The following SBF2 variants were observed in gnomAD, a reference collection of about 807,000 sequenced individuals.
SBF2 encodes the protein SET binding factor 2, also known as myotubularin-related protein 13.
A neutral mutation model predicts 225.2 loss-of-function variants in SBF2; 112 were observed. The observed-to-expected ratio is 0.50, with a 90% CI of 0.43 to 0.58. The LOEUF (loss-of-function observed/expected upper bound fraction) is 0.58. Ranked by LOEUF, SBF2 falls within the 20% of genes least tolerant of loss-of-function variation. The probability of loss-of-function intolerance (pLI) is 0.00; values close to 1 mark genes in which losing one functional copy is unlikely to be tolerated. For synonymous variants in SBF2, 763 were observed against 773.3 expected (o/e 0.99, Z 0.22); for missense variants, 1,996 against 2,206.2 (o/e 0.90, Z 1.91).
At chr11:9,849,443 G>A (rs1856771870) in intron 22 of SBF2, among the ~76,000 whole-genome samples, 1 of 152,150 alleles carries the variant, frequency 6.6e-6, no homozygotes, top group African/African-American at 2.4e-5. Flanking sequence ...ATTACTTCTG[G>A]TAGGGCATGC....
At chr11:10,216,950 T>A (rs886642071) in intron 1 of SBF2, among the ~76,000 whole-genome samples, 2 of 152,044 alleles carry the variant, frequency 1.3e-5, no homozygotes, top group Non-Finnish European at 2.9e-5. Context: ...TTAAATGATA[T>A]AAATAAATGC....
At chr11:9,854,344 G>A (rs965417850) in intron 19 of SBF2, among the ~76,000 whole-genome samples, 1 of 152,156 alleles carries the variant, frequency 6.6e-6, no homozygotes, top group Non-Finnish European at 1.5e-5. Flanking sequence ...ATTTGAAATG[G>A]AACAGATGTG....
At chr11:10,201,295 G>T (rs1363829025) in intron 1 of SBF2, among the ~76,000 whole-genome samples, 2 of 152,164 alleles carry the variant, frequency 1.3e-5, no homozygotes, top group Non-Finnish European at 2.9e-5. Context: ...TTGAGCAAAT[G>T]ATTTTTTTAA....
intron 2 of SBF2, among the ~76,000 whole-genome samples, chr11:10,079,498 C>T (rs577065345): frequency 6.6e-6 from 1 of 152,250 alleles, no homozygotes; most frequent in Non-Finnish European, 1.5e-5. Context: ...AAGAAAGAAT[C>T]TCAGAAACTG....
intron 13 of SBF2, among the ~76,000 whole-genome samples, chr11:9,985,296 G>A (rs1947150172): frequency 1.3e-5 from 2 of 152,064 alleles, no homozygotes; most frequent in African/African-American, 2.4e-5. Context: ...AAGCGAGCAG[G>A]GGTAGCTATT....
chr11:10,137,210 G>T (rs1403968296), intron 2 of SBF2, among the ~76,000 whole-genome samples: 3 of 152,072 alleles, frequency 2.0e-5, no homozygotes, highest in African/African-American at 7.2e-5. Context: ...TCATTGACAG[G>T]ATATACAAAA....
chr11:9,788,348 C>G (rs1852508387), intron 35 of SBF2, among the ~76,000 whole-genome samples: 1 of 152,162 alleles, frequency 6.6e-6, no homozygotes, highest in Non-Finnish European at 1.5e-5. Context: ...CAAAGCTATT[C>G]CTCAGGCTGG....
chr11:9,914,205 G>C (rs1177176452), intron 16 of SBF2, among the ~76,000 whole-genome samples: 1 of 152,190 alleles, frequency 6.6e-6, no homozygotes, highest in Non-Finnish European at 1.5e-5. Flanking sequence ...GGATAAAGTA[G>C]ACAGCACACA....
intron 2 of SBF2, among the ~76,000 whole-genome samples, chr11:10,081,945 A>G (rs1475765115): frequency 6.6e-6 from 1 of 152,010 alleles, no homozygotes; most frequent in Non-Finnish European, 1.5e-5. Flanking sequence ...AAAAAATTAA[A>G]AAGTTGATAC....
intron 1 of SBF2, among the ~76,000 whole-genome samples, chr11:10,202,926 G>C: frequency 6.6e-6 from 1 of 152,108 alleles, no homozygotes; most frequent in South Asian, 2.1e-4. Flanking sequence ...TCAGACACCT[G>C]ACATCAGGCA....
At chr11:10,072,218 C>T (rs1196767754) in intron 2 of SBF2, among the ~76,000 whole-genome samples, 1 of 152,146 alleles carries the variant, frequency 6.6e-6, no homozygotes, top group East Asian at 1.9e-4. Flanking sequence ...TCTTTTATAT[C>T]TTATATAGCC....
intron 2 of SBF2, among the ~76,000 whole-genome samples, chr11:10,101,703 T>A (rs1952312298): frequency 1.3e-5 from 2 of 150,628 alleles, no homozygotes; most frequent in Non-Finnish European, 3.0e-5. Context: ...ACATGGTAAA[T>A]GTCAATATTT....
At chr11:10,256,869 A>C (rs1031687916) in intron 1 of SBF2, among the ~76,000 whole-genome samples, 32 of 152,194 alleles carry the variant, frequency 2.1e-4, no homozygotes, top group African/African-American at 7.2e-4. Flanking sequence ...TATTTATCCC[A>C]TATTTATCCT....
At chr11:10,229,735 A>G (rs1591266515) in intron 1 of SBF2, among the ~76,000 whole-genome samples, 1 of 152,298 alleles carries the variant, frequency 6.6e-6, no homozygotes, top group East Asian at 1.9e-4. Context: ...ACTTCCAACT[A>G]TGTGGTCAAT....
intron 28 of SBF2, among the ~76,000 whole-genome samples, chr11:9,822,087 G>A (rs924924286): frequency 6.6e-6 from 1 of 152,078 alleles, no homozygotes; most frequent in Non-Finnish European, 1.5e-5. Context: ...CTATGGGCTA[G>A]TTACTAAGTT....
At chr11:10,108,715 G>A (rs1228139527) in intron 2 of SBF2, among the ~76,000 whole-genome samples, 4 of 151,206 alleles carry the variant, frequency 2.6e-5, no homozygotes, top group African/African-American at 9.7e-5. Flanking sequence ...TAGTAGAGGC[G>A]GGGTTTCACT....
At chr11:10,293,399 T>C (rs1964294977) in intron 1 of SBF2, among the ~76,000 whole-genome samples, 1 of 152,230 alleles carries the variant, frequency 6.6e-6, no homozygotes, top group Admixed American at 6.5e-5. Flanking sequence ...ACAAGTCATG[T>C]CACTGTGAAG....
At chr11:10,068,984 CA>C (rs1166088039) in intron 2 of SBF2, among the ~76,000 whole-genome samples, 2 of 152,186 alleles carry the variant, frequency 1.3e-5, no homozygotes, top group Non-Finnish European at 2.9e-5. Flanking sequence ...CACTTCCAGC[CA>C]TATTAATCAT....
At chr11:10,241,629 G>A (rs1321831089) in intron 1 of SBF2, among the ~76,000 whole-genome samples, 1 of 151,974 alleles carries the variant, frequency 6.6e-6, no homozygotes, top group Non-Finnish European at 1.5e-5. Flanking sequence ...AGATAAAAAA[G>A]TATATTATGA....
Sources: gnomAD v4.1 joint callset for allele counts (sites outside exome capture counted in the v4.1 genomes callset) on GRCh38, gnomAD v4.1.1 for gene constraint, MANE v1.5 for transcripts, NCBI Gene and HGNC (gene_info 2026-07-23, HGNC 2026-07-21) for gene names.